Variants in MCTP2 observed in about 807,000 individuals in gnomAD.
MCTP2 encodes the protein multiple C2 and transmembrane domain containing 2, also known as multiple C2 and transmembrane domain-containing protein 2.
Under a neutral mutation model 111.6 loss-of-function variants are expected in MCTP2, and 132 were observed. That is an observed-to-expected ratio of 1.18 (90% CI 1.03 to 1.37). MCTP2 has a LOEUF of 1.37. Among genes scored for constraint, MCTP2 ranks in the 40% most tolerant of loss-of-function variants. MCTP2 has a pLI of 0.00. For synonymous variants in MCTP2, 395 were observed against 387.7 expected (o/e 1.02, Z -0.22); for missense variants, 1,183 against 1,067.9 (o/e 1.11, Z -1.50).
At chr15:94,282,035 A>G (rs932729899) in intron 1 of MCTP2, among the ~76,000 whole-genome samples, 2 of 152,118 alleles carry the variant, frequency 1.3e-5, no homozygotes, top group African/African-American at 4.8e-5. Context: ...GTCATCTTGT[A>G]TAGTATCTTG....
chr15:94,442,668 G>A (rs1419195187), intron 18 of MCTP2, among the ~76,000 whole-genome samples: 3 of 152,150 alleles, frequency 2.0e-5, no homozygotes, highest in Non-Finnish European at 4.4e-5. Context: ...TTTTAAAGCT[G>A]GATGCCTTCA....
At chr15:94,282,548 A>G (rs1409685583) in intron 1 of MCTP2, among the ~76,000 whole-genome samples, 1 of 152,126 alleles carries the variant, frequency 6.6e-6, no homozygotes, top group Non-Finnish European at 1.5e-5. Flanking sequence ...CATTTCAGCC[A>G]TTTTAGTCTG....
rs114455524 is a variant in MCTP2 at position 94,482,897 on chromosome 15, A to C, written c.*3863A>C. 1.3e-5 allele frequency: 2 copies of C among 152,232 alleles called. No homozygotes were observed. The highest frequency in any genetic ancestry group is 2.9e-5 in the Non-Finnish European group (2 of 68,050). The allele number at this position is 152,232 out of a possible 1,614,324, so 9.4% of individuals were successfully genotyped here. A position where few individuals can be genotyped will look rare whatever the true frequency, so the allele number is the denominator to read the frequency against. On this transcript the variant is annotated 3_prime_UTR_variant, in exon 23 of 23. Coordinates refer to ENST00000357742, the MANE Select transcript of MCTP2 (RefSeq NM_001385001.1). ...TAATATCAAATGCCGCTGAGATCACATAAGTACAGAATCATGACCTTAATG... is the reference window on the plus strand; with the variant it reads ...TAATATCAAATGCCGCTGAGATCACCTAAGTACAGAATCATGACCTTAATG...
At chr15:94,464,040 C>T (rs1410816112) in intron 20 of MCTP2, among the ~76,000 whole-genome samples, 1 of 150,988 alleles carries the variant, frequency 6.6e-6, no homozygotes, top group Non-Finnish European at 1.5e-5. Context: ...GTGTTCTTGA[C>T]ATTTTCTTGT....
intron 1 of MCTP2, among the ~76,000 whole-genome samples, chr15:94,235,265 A>G (rs2070462390): frequency 6.6e-6 from 1 of 151,830 alleles, no homozygotes; most frequent in Admixed American, 6.6e-5. Flanking sequence ...AAAAAAAAAA[A>G]AAAATCCCTG....
intron 17 of MCTP2, among the ~76,000 whole-genome samples, chr15:94,435,314 A>G (rs1041908938): frequency 2.0e-5 from 3 of 152,090 alleles, no homozygotes; most frequent in African/African-American, 4.8e-5. Flanking sequence ...TCTTATTTAC[A>G]TATTCTGTAA....
At chr15:94,243,876 T>C (rs1274442448) in intron 1 of MCTP2, among the ~76,000 whole-genome samples, 2 of 148,286 alleles carry the variant, frequency 1.3e-5, no homozygotes, top group Admixed American at 6.7e-5. Context: ...TATGTGTATA[T>C]ATTTATGTAC....
At chr15:94,417,070 A>G (rs1327910786) in intron 17 of MCTP2, among the ~76,000 whole-genome samples, 1 of 152,156 alleles carries the variant, frequency 6.6e-6, no homozygotes, top group Admixed American at 6.6e-5. Flanking sequence ...TTTTCAGGGC[A>G]AACAGGTGGT....
chr15:94,453,703 T>G (rs533615235), intron 19 of MCTP2, among the ~76,000 whole-genome samples: 3 of 152,348 alleles, frequency 2.0e-5, no homozygotes, highest in African/African-American at 7.2e-5. Context: ...ACATATTTAA[T>G]GAATAATCAT....
At chr15:94,330,923 T>C (rs1344272618) in intron 4 of MCTP2, among the ~76,000 whole-genome samples, 1 of 151,616 alleles carries the variant, frequency 6.6e-6, no homozygotes, top group East Asian at 1.9e-4. Context: ...TTTGTAGAGG[T>C]TGGATTTTGC....
chr15:94,448,198 C>G (rs2152517636), intron 19 of MCTP2, among the ~76,000 whole-genome samples: 1 of 152,224 alleles, frequency 6.6e-6, no homozygotes, highest in Non-Finnish European at 1.5e-5. Flanking sequence ...ACTTGATAAC[C>G]TTTAGAAGTC....
chr15:94,236,368 CTTTTTTTTCTTTTTTTT>C (rs1596117734), intron 1 of MCTP2, among the ~76,000 whole-genome samples: 2 of 67,186 alleles, frequency 3.0e-5, no homozygotes, highest in East Asian at 8.9e-4. Flanking sequence ...TCAATCCTTT[CTTTTTTTTCTTTTTTTT>C]TTTTTTTTTT....
At chr15:94,442,788 A>T (rs2083855277) in intron 18 of MCTP2, 131 bp from the exon 19 acceptor site, 1 of 712,744 alleles carries the variant, frequency 1.4e-6, no homozygotes, top group Non-Finnish European at 2.5e-6. Flanking sequence ...GTTATTGTTT[A>T]AGAGGTTGTA....
At chr15:94,368,311 T>C (rs1307160963) in intron 11 of MCTP2, among the ~76,000 whole-genome samples, 1 of 152,242 alleles carries the variant, frequency 6.6e-6, no homozygotes, top group Non-Finnish European at 1.5e-5. Flanking sequence ...CCCTAAGTAG[T>C]TGCAATGAGC....
intron 13 of MCTP2, 79 bp downstream of exon 13, chr15:94,384,203 A>G (rs2080321642): frequency 1.1e-6 from 1 of 880,400 alleles, no homozygotes; most frequent in Non-Finnish European, 1.8e-6. Context: ...TTTTCTGTCC[A>G]TTTTTATGGG....
intron 20 of MCTP2, among the ~76,000 whole-genome samples, chr15:94,465,788 C>G (rs1461615747): frequency 7.2e-6 from 1 of 138,536 alleles, no homozygotes; most frequent in Non-Finnish European, 1.6e-5. Flanking sequence ...TCTTCTGTAT[C>G]TTTCCTCCAC....
intron 3 of MCTP2, chr15:94,314,725 A>C (rs763904337): frequency 8.6e-6 from 4 of 466,698 alleles, no homozygotes; most frequent in Admixed American, 4.7e-5. Flanking sequence ...TTTCCCTTTA[A>C]GGACAGTCAA....
intron 1 of MCTP2, among the ~76,000 whole-genome samples, chr15:94,272,171 A>G (rs1334069197): frequency 1.3e-5 from 2 of 152,232 alleles, no homozygotes; most frequent in African/African-American, 4.8e-5. Flanking sequence ...TGAAGAAGTG[A>G]ATTGCCTTCT....
At chr15:94,477,409 A>C (rs1211511301) in intron 22 of MCTP2, among the ~76,000 whole-genome samples, 2 of 152,212 alleles carry the variant, frequency 1.3e-5, no homozygotes. Context: ...GTGGATACAC[A>C]GAGATTAACG....
Sources: gnomAD v4.1 joint callset for allele counts (sites outside exome capture counted in the v4.1 genomes callset) on GRCh38, gnomAD v4.1.1 for gene constraint, MANE v1.5 for transcripts, NCBI Gene and HGNC (gene_info 2026-07-23, HGNC 2026-07-21) for gene names.